PDE6B: variants seen among roughly 807,000 people sequenced by gnomAD.
PDE6B encodes the protein rod cGMP-specific 3',5'-cyclic phosphodiesterase subunit beta.
A neutral mutation model predicts 109.0 loss-of-function variants in PDE6B; 106 were observed. The observed-to-expected ratio is 0.97, with a 90% CI of 0.83 to 1.14. The LOEUF (loss-of-function observed/expected upper bound fraction) is 1.14, where lower values mean the gene tolerates loss of function less well. PDE6B is among the 50% of genes most tolerant of loss of function. PDE6B has a pLI of 0.00. For synonymous variants in PDE6B, 490 were observed against 471.3 expected (o/e 1.04, Z -0.51); for missense variants, 1,193 against 1,155.6 (o/e 1.03, Z -0.47).
Position 626,086 on chromosome 4 carries a change from GT to G in PDE6B, c.461del (p.Val154GlyfsTer28). The G allele has an allele frequency of 1.3e-6, 2 of 1,569,536 alleles. No homozygotes were observed. Among genetic ancestry groups the G allele is most frequent in the Non-Finnish European group, 1.7e-6 (2 of 1,154,156 alleles). The stretch of plus-strand genomic sequence containing the variant: ...CAAAAAGATGGTGAACGTCGAGGAC[GT>G]GGCCGAGGTGGGTCTGTGCGGAGCC... ...QTKKMVNVED[V>X]AECPHFSSFA... On this transcript the variant is annotated frameshift_variant, in exon 1 of 22. Coordinates refer to ENST00000496514, the MANE Select transcript of PDE6B (RefSeq NM_000283.4). LOFTEE classifies it high-confidence loss of function. This position sits in a 1 kb window ranked among gnomAD's most constrained non-coding sequence, Gnocchi z 4.6.
intron 3 of PDE6B, among the ~76,000 whole-genome samples, chr4:644,745 G>GTCTCGAACTCCCAGCCTCAGATGA (rs1236668612): frequency 6.6e-6 from 1 of 151,968 alleles, no homozygotes; most frequent in African/African-American, 2.4e-5. Flanking sequence ...GCCCAGGTTG[G>GTCTCGAACTCCCAGCCTCAGATGA]TCTCGAACTC....
rs757406419 is a variant in PDE6B at position 634,677 on chromosome 4, T to A, written c.469T>A (p.Cys157Ser). ...KMVNVEDVAE[C>S]PHFSSFADEL... Reference sequence around the variant, plus strand: ...TAGCCTCTTTCCTCTCTTGCGGCAGTGCCCTCACTTCAGCTCATTTGCTGA... The same window carrying A: ...TAGCCTCTTTCCTCTCTTGCGGCAGAGCCCTCACTTCAGCTCATTTGCTGA... Residue 157 changes from cysteine to serine, a missense_variant and splice_region_variant, in exon 2 of 22, where the codon TGC (cysteine) becomes AGC (serine). By Grantham distance (112) the Cys-to-Ser change is moderately radical (BLOSUM62 -1). Transcript: ENST00000496514. 2 of 1,612,418 alleles carry A rather than the reference T, an allele frequency of 1.2e-6. No individual in the cohort carries two copies. The highest frequency in any genetic ancestry group is 1.7e-6 in the Non-Finnish European group (2 of 1,178,432).
At chr4:654,721 G>A in intron 5 of PDE6B, 103 bp from the exon 6 acceptor site, 1 of 793,040 alleles carries the variant, frequency 1.3e-6, no homozygotes, top group African/African-American at 1.7e-5. Context: ...GTGGGGGTGT[G>A]CATGCGTGTG....
rs1004405959 is a variant in PDE6B at position 625,872 on chromosome 4, C to T, written c.246C>T (p.Arg82=). Residue 82 remains arginine (R), a synonymous_variant, in exon 1 of 22, where the codon CGC becomes CGT. Transcript: ENST00000496514. This position sits in a 1 kb window ranked among gnomAD's most constrained non-coding sequence, Gnocchi z 5.0. ...MERVVFKVLR[R]LCTLLQADRC... The stretch of plus-strand genomic sequence containing the variant: ...GCGTGGTCTTCAAGGTCCTGCGGCG[C>T]CTCTGCACCCTCCTGCAGGCCGACC... The T allele has an allele frequency of 2.5e-6, 4 of 1,608,674 alleles. No homozygotes were observed. In the African/African-American group the frequency reaches 5.3e-5, roughly 21 times the overall value.
chr4:645,289 CA>C (rs1331051057), intron 3 of PDE6B, among the ~76,000 whole-genome samples: 3 of 142,514 alleles, frequency 2.1e-5, no homozygotes, highest in Non-Finnish European at 3.0e-5. Context: ...AGGCTAGTCA[CA>C]TTTTTTTTTT....
At chr4:653,458 C>T (rs1135375) in intron 3 of PDE6B, 5 of 658,344 alleles carry the variant, frequency 7.6e-6, no homozygotes, top group East Asian at 6.4e-5. Flanking sequence ...AGGCCACAGG[C>T]GGCCTGACGT....
intron 6 of PDE6B, chr4:655,611 C>T (rs964776884): frequency 1.1e-5 from 5 of 449,742 alleles, no homozygotes; most frequent in Non-Finnish European, 2.1e-5. Flanking sequence ...GTCCTCCAAC[C>T]CACGCCCTGG....
At chr4:654,207 A>C in intron 5 of PDE6B, 53 bp downstream of exon 5, 1 of 1,482,758 alleles carries the variant, frequency 6.7e-7, no homozygotes, top group Non-Finnish European at 9.4e-7. Flanking sequence ...TGTTTCCCTG[A>C]CTCCAACTCC....
In PDE6B at chr4:670,127, C is replaced by A. The variant is rs61760239; in HGVS notation, c.*20C>A. The A allele has an allele frequency of 0.027, 43,588 of 1,611,016 alleles. 676 individuals are homozygous for A. Among genetic ancestry groups the A allele is most frequent in the African/African-American group, 0.061 (4,551 of 74,944 alleles). ...CTGTGAGCACTGGTCCCATGGGGAC[C>A]CTATGGCTCCCTCAATCTTCACCCA... On this transcript the variant is annotated 3_prime_UTR_variant, in exon 22 of 22. Transcript: ENST00000496514.
At chr4:635,129 G>A (rs1428791264) in intron 2 of PDE6B, among the ~76,000 whole-genome samples, 3 of 110,298 alleles carry the variant, frequency 2.7e-5, no homozygotes, top group Admixed American at 8.8e-5. Flanking sequence ...GTTCTGTGCT[G>A]CGTGTCTGCC....
rs890204389 is a variant in PDE6B at position 658,877 on chromosome 4, C to T, written c.1402-75C>T. The stretch of plus-strand genomic sequence containing the variant: ...TGACAGCACCTTCCTCTAGCTCACA[C>T]GGGGTGGACGCACCGCCGTCACCTT... On this transcript the variant is annotated intron_variant, in intron 10 of 21. Transcript: ENST00000496514. 11 of 1,064,060 alleles carry T rather than the reference C, an allele frequency of 1.0e-5. No individual in the cohort carries two copies. The Admixed American group carries it at 1.0e-4, about 10-fold the overall frequency. 65.9% of individuals were successfully genotyped at this position (1,064,060 alleles called of 1,614,324 possible). A position where few individuals can be genotyped will look rare whatever the true frequency, so the allele number is the denominator to read the frequency against.
rs909251638 is a variant in PDE6B at position 666,811 on chromosome 4, C to T, written c.2352+197C>T. 6.6e-6 allele frequency among the ~76,000 whole-genome samples: 1 copy of T among 152,122 alleles called. No homozygotes were observed. The highest frequency in any genetic ancestry group is 1.5e-5 in the Non-Finnish European group (1 of 68,012). ...ATCAGTTTCCGGACCCCCACAGGTGCCCCAGCCCATCCTCACCCTGCTGTG... is the reference window on the plus strand; with the variant it reads ...ATCAGTTTCCGGACCCCCACAGGTGTCCCAGCCCATCCTCACCCTGCTGTG... On this transcript the variant is annotated intron_variant, in intron 20 of 21. Transcript: ENST00000496514. The surrounding 1 kb of genome is among the most constrained non-coding windows in gnomAD (Gnocchi z 5.6).
At position 653,480 on chromosome 4, in the gene PDE6B, G is replaced by C. The variant is rs572334021; in HGVS notation, c.712-372G>C. ...AGGCGGCCTGACGTGCGGAAACCACGGCCCGATGTTCTCAAAGCCCTGCTC... is the reference window on the plus strand; with the variant it reads ...AGGCGGCCTGACGTGCGGAAACCACCGCCCGATGTTCTCAAAGCCCTGCTC... On this transcript the variant is annotated intron_variant, in intron 3 of 21. Coordinates refer to ENST00000496514, the MANE Select transcript of PDE6B (RefSeq NM_000283.4). 14 of 514,344 alleles carry C rather than the reference G, an allele frequency of 2.7e-5. No homozygotes were observed. In the Admixed American group the frequency reaches 3.0e-4, roughly 11 times the overall value. 31.9% of individuals were successfully genotyped at this position (514,344 alleles called of 1,614,324 possible).
intron 3 of PDE6B, chr4:653,296 A>C: frequency 9.8e-7 from 1 of 1,024,976 alleles, no homozygotes; most frequent in South Asian, 3.8e-5. Context: ...AGGCAGAGAA[A>C]GGTGGCCCAA....
In PDE6B at chr4:648,375, T is replaced by C. The variant is rs118066599; in HGVS notation, c.712-5477T>C. Among the ~76,000 whole-genome samples the C allele has an allele frequency of 1.2e-3, 181 of 152,242 alleles. 6 individuals carry two copies. In the East Asian group the frequency reaches 0.028, roughly 23 times the overall value. On this transcript the variant is annotated intron_variant, in intron 3 of 21. Coordinates refer to ENST00000496514, the MANE Select transcript of PDE6B (RefSeq NM_000283.4). This position sits in a 1 kb window ranked among gnomAD's most constrained non-coding sequence, Gnocchi z 4.5. The stretch of plus-strand genomic sequence containing the variant: ...TCCTGACTTGCAGGAGGCACAGGCC[T>C]GCCTCACGGCTCTTTTTGAAAATAA...
intron 3 of PDE6B, among the ~76,000 whole-genome samples, chr4:642,303 C>T (rs934315237): frequency 1.3e-5 from 2 of 151,846 alleles, no homozygotes; most frequent in Non-Finnish European, 2.9e-5. Context: ...GAAAAACCCC[C>T]ATCTCTACTA....
rs373671949 is a variant in PDE6B at position 635,206 on chromosome 4, C to T, written c.621+377C>T. On this transcript the variant is annotated intron_variant, in intron 2 of 21. Coordinates refer to ENST00000496514, the MANE Select transcript of PDE6B (RefSeq NM_000283.4). ...CTCCTTACCTGCCTGCCCGCCTGCCCGCGTGTTCTGTGCTGCGTGTCCACC... is the reference window on the plus strand; with the variant it reads ...CTCCTTACCTGCCTGCCCGCCTGCCTGCGTGTTCTGTGCTGCGTGTCCACC... Among the ~76,000 whole-genome samples the T allele has an allele frequency of 2.2e-4, 28 of 129,902 alleles. 1 individual carries two copies. In the East Asian group the frequency reaches 5.4e-3, roughly 25 times the overall value. 85.2% of individuals were successfully genotyped at this position (129,902 alleles called of 152,430 possible).
chr4:635,997 C>T (rs764269974), intron 3 of PDE6B, 28 bp downstream of exon 3: 3 of 1,334,056 alleles, frequency 2.2e-6, no homozygotes, highest in Admixed American at 3.3e-5. Context: ...ACAGCTCTGC[C>T]CACGAGGGCC....
intron 6 of PDE6B, 170 bp from the exon 7 acceptor site, chr4:655,770 C>A: frequency 1.5e-6 from 1 of 680,456 alleles, no homozygotes; most frequent in Non-Finnish European, 2.7e-6. Flanking sequence ...GCCCCTCTGA[C>A]CCCTGCACAC....
Sources: gnomAD v4.1 joint callset for allele counts (sites outside exome capture counted in the v4.1 genomes callset) on GRCh38, gnomAD v4.1.1 for gene constraint, Gnocchi (gnomAD v3.1) non-coding constraint, MANE v1.5 for transcripts, NCBI Gene and HGNC (gene_info 2026-07-23, HGNC 2026-07-21) for gene names.